The following SNRNP70 variants were observed in gnomAD, a reference collection of about 807,000 sequenced individuals.
The protein encoded by SNRNP70 is small nuclear ribonucleoprotein U1 subunit 70, also known as U1 small nuclear ribonucleoprotein 70 kDa.
SNRNP70 carries 8 observed loss-of-function variants against 50.5 expected under a neutral mutation model. The observed-to-expected ratio is 0.16, with a 90% confidence interval of 0.09 to 0.29. The LOEUF is 0.29. SNRNP70 is among the 10% of genes least tolerant of loss of function. SNRNP70 has a pLI of 1.00. For synonymous variants in SNRNP70, 320 were observed against 252.9 expected (o/e 1.27, Z -2.52); for missense variants, 529 against 663.5 (o/e 0.80, Z 2.23).
At position 49,108,569 on chromosome 19, in the gene SNRNP70, C is replaced by T. The variant is rs1192624081; in HGVS notation, c.*126C>T. 3 of 1,229,436 alleles carry T rather than the reference C, an allele frequency of 2.4e-6. No individual in the cohort carries two copies. The highest frequency in any genetic ancestry group is 3.1e-5 in the South Asian group (2 of 63,880). The allele number at this position is 1,229,436 out of a possible 1,614,324, so 76.2% of individuals were successfully genotyped here. On this transcript the variant is annotated 3_prime_UTR_variant, in exon 10 of 10. Coordinates refer to ENST00000598441, the MANE Select transcript of SNRNP70 (RefSeq NM_003089.6). ...GGGTAGGTGTCTCATTTGTTCTGGC[C>T]CCTTGGATTTAAAAATAAAATTAAT...
rs1481950544 is a variant in SNRNP70 at position 49,085,507 on chromosome 19, C to T, written c.-140C>T. The T allele has an allele frequency of 4.4e-6, 2 of 454,478 alleles. No homozygotes were observed. The highest frequency in any genetic ancestry group is 2.0e-5 in the African/African-American group (1 of 50,020). 28.2% of individuals were successfully genotyped at this position (454,478 alleles called of 1,614,324 possible). On this transcript the variant is annotated 5_prime_UTR_variant, in exon 1 of 10. Coordinates refer to ENST00000598441, the MANE Select transcript of SNRNP70 (RefSeq NM_003089.6). ...GCAGCGGCCTGGTGCGCTCGCTTAG[C>T]GGGCGACGGAATCAGACGGACGTGG...
chr19:49,102,295 C>A, intron 7 of SNRNP70: 1 of 573,784 alleles, frequency 1.7e-6, no homozygotes, highest in Non-Finnish European at 2.9e-6. Flanking sequence ...CCCGTAGCCT[C>A]CCCGCACCCA....
At chr19:49,102,241 C>T (rs1279335275) in intron 7 of SNRNP70, 2 of 1,225,976 alleles carry the variant, frequency 1.6e-6, no homozygotes, top group Non-Finnish European at 2.1e-6. Flanking sequence ...CTTAGCCAGG[C>T]AGCTCAGGAG....
Position 49,098,673 on chromosome 19 carries a change from G to T in SNRNP70, c.362G>T (p.Arg121Ile). The T allele has an allele frequency of 6.2e-7, 1 of 1,614,106 alleles. No individual in the cohort carries two copies. Among genetic ancestry groups the T allele is most frequent in the Non-Finnish European group, 8.5e-7 (1 of 1,179,992 alleles). ...NYDTTESKLR[R>I]EFEVYGPIKR... Reference sequence around the variant, plus strand: ...GACACAACAGAATCCAAGCTCCGGAGAGAGTTTGAGGTGTACGGACCTATC... The same window carrying T: ...GACACAACAGAATCCAAGCTCCGGATAGAGTTTGAGGTGTACGGACCTATC... Residue 121 changes from arginine to isoleucine, a missense_variant, in exon 6 of 10, where the codon AGA becomes ATA. Around this residue, in one of 4 missense-constraint regions of SNRNP70, gnomAD observed 149 missense variants for 259.7 expected, o/e 0.57. Transcript: ENST00000598441.
chr19:49,104,781 G>C lies in SNRNP70; in HGVS notation c.577+46G>C, dbSNP rs1040159943. ...ACGGGCTCTCGGGGGCCCTGGGCCTGGTGGCCTTGTTCTCCCTTCTCTGCT... is the reference window on the plus strand; with the variant it reads ...ACGGGCTCTCGGGGGCCCTGGGCCTCGTGGCCTTGTTCTCCCTTCTCTGCT... On this transcript the variant is annotated intron_variant, in intron 8 of 9. Transcript: ENST00000598441. The surrounding 1 kb of genome is among the most constrained non-coding windows in gnomAD (Gnocchi z 5.4). 7.7e-7 allele frequency: 1 copy of C among 1,296,684 alleles called. No homozygotes were observed. The highest frequency in any genetic ancestry group is 1.5e-5 in the African/African-American group (1 of 66,588). 80.3% of individuals were successfully genotyped at this position (1,296,684 alleles called of 1,614,324 possible).
Position 49,086,571 on chromosome 19 carries a change from C to T in SNRNP70, c.147+10C>T, listed in dbSNP as rs1451233077. ...CATTCGAGAGTTTGAGGTGAGTTCA[C>T]TGAGCAGGCCAGGAATGGTTTGGGT... On this transcript the variant is annotated intron_variant, in intron 2 of 9. Transcript: ENST00000598441. 9.3e-6 allele frequency: 15 copies of T among 1,613,270 alleles called. No individual in the cohort carries two copies. The highest frequency in any genetic ancestry group is 1.3e-5 in the Non-Finnish European group (15 of 1,179,562).
intron 2 of SNRNP70, among the ~76,000 whole-genome samples, chr19:49,089,459 A>C (rs2040421452): frequency 6.6e-6 from 1 of 151,896 alleles, no homozygotes; most frequent in Non-Finnish European, 1.5e-5. Context: ...CCTGGGCAAC[A>C]GACCACAACT....
chr19:49,098,494 A>G lies in SNRNP70; in HGVS notation c.330+3A>G. On this transcript the variant is annotated splice_donor_region_variant and intron_variant, in intron 5 of 9. Coordinates refer to ENST00000598441, the MANE Select transcript of SNRNP70 (RefSeq NM_003089.6). ...AGACTCTCTTCGTGGCGAGAGTGGT[A>G]AGTCCCCAGCTCCTAGCTCCTGGAA... is the stretch of plus-strand genomic sequence containing the variant. 6.2e-7 allele frequency: 1 copy of G among 1,613,338 alleles called. No individual in the cohort carries two copies. Among genetic ancestry groups the G allele is most frequent in the Non-Finnish European group, 8.5e-7 (1 of 1,179,412 alleles).
chr19:49,101,184 TCTTAG>T (rs1430574078), intron 6 of SNRNP70, among the ~76,000 whole-genome samples: 1 of 152,182 alleles, frequency 6.6e-6, no homozygotes, highest in East Asian at 1.9e-4. Flanking sequence ...TTTCTTTAGG[TCTTAG>T]CTTAAGTGTC....
Position 49,108,257 on chromosome 19 carries a change from C to T in SNRNP70, c.1128C>T (p.Arg376=). Residue 376 remains arginine (R), a synonymous_variant, in exon 10 of 10, where the codon CGC becomes CGT. Transcript: ENST00000598441. ...RDRDRDRDRD[R]EHKRGERGSE... ...GGGATCGTGACCGTGACCGTGACCG[C>T]GAGCACAAACGGGGGGAGCGGGGCA... 1.9e-6 allele frequency: 3 copies of T among 1,548,126 alleles called. No homozygotes were observed. The highest frequency in any genetic ancestry group is 2.6e-6 in the Non-Finnish European group (3 of 1,146,408).
At position 49,104,491 on chromosome 19, in the gene SNRNP70, G is replaced by C; in HGVS notation, c.476-143G>C. ...GGTTTGGGAGAGGGTTGGTCTGGCTGTCAGTTGCCTGGCTGTCTGTTGGGC... is the reference window on the plus strand; with the variant it reads ...GGTTTGGGAGAGGGTTGGTCTGGCTCTCAGTTGCCTGGCTGTCTGTTGGGC... On this transcript the variant is annotated intron_variant, in intron 7 of 9. Transcript: ENST00000598441. This position sits in a 1 kb window ranked among gnomAD's most constrained non-coding sequence, Gnocchi z 5.4. 2 of 673,314 alleles carry C rather than the reference G, an allele frequency of 3.0e-6. No homozygotes were observed. The highest frequency in any genetic ancestry group is 3.3e-5 in the South Asian group (2 of 60,794). The allele number at this position is 673,314 out of a possible 1,614,324, so 41.7% of individuals were successfully genotyped here.
At chr19:49,098,403 T>G (rs557131690) in intron 4 of SNRNP70, 24 bp from the exon 5 acceptor site, 1 of 1,596,844 alleles carries the variant, frequency 6.3e-7, no homozygotes, top group Non-Finnish European at 8.6e-7. Flanking sequence ...CTTCAACTTA[T>G]AAAATTCCTT....
At chr19:49,085,898 T>C (rs866638650) in intron 1 of SNRNP70, among the ~76,000 whole-genome samples, 3 of 152,218 alleles carry the variant, frequency 2.0e-5, no homozygotes, top group African/African-American at 7.2e-5. Flanking sequence ...CCTGGACCCT[T>C]ACCCATAATT....
At chr19:49,093,751 T>C (rs1188062142) in intron 4 of SNRNP70, among the ~76,000 whole-genome samples, 1 of 150,894 alleles carries the variant, frequency 6.6e-6, no homozygotes, top group Non-Finnish European at 1.5e-5. Flanking sequence ...TCCAGCACTT[T>C]GGGAGGCTGA....
chr19:49,092,801 A>G (rs906136560), intron 4 of SNRNP70, among the ~76,000 whole-genome samples: 6 of 151,486 alleles, frequency 4.0e-5, no homozygotes, highest in South Asian at 2.1e-4. Context: ...GGGTCTCACT[A>G]TGTTGCCCAG....
intron 7 of SNRNP70, chr19:49,103,236 C>T (rs2040613918): frequency 6.6e-6 from 1 of 152,484 alleles, no homozygotes; most frequent in Non-Finnish European, 1.5e-5. Context: ...CGAGATAGTC[C>T]AGGGCTTTCC....
intron 7 of SNRNP70, chr19:49,102,936 G>T (rs2040609029): frequency 6.6e-6 from 1 of 152,670 alleles, no homozygotes; most frequent in Non-Finnish European, 1.5e-5. Context: ...CCCGAGCGGG[G>T]TTCCTTCGCT....
Position 49,093,121 on chromosome 19 carries a change from G to A in SNRNP70, c.265+2601G>A, listed in dbSNP as rs1350480730. ...TTTTGTTTTTTGTTTTTTAGATGGA[G>A]TTTTGCTGTTATTGCCCAGGCTGGA... On this transcript the variant is annotated intron_variant, in intron 4 of 9. Transcript: ENST00000598441. Among the ~76,000 whole-genome samples the A allele has an allele frequency of 1.3e-5, 2 of 151,670 alleles. 1 individual carries two copies. The highest frequency in any genetic ancestry group is 2.9e-5 in the Non-Finnish European group (2 of 67,936).
chr19:49,101,725 G>A (rs1357337351), intron 7 of SNRNP70: 5 of 508,072 alleles, frequency 9.8e-6, no homozygotes, highest in South Asian at 2.1e-5. Context: ...AACCTCAGGG[G>A]CAAAGAGGGA....
Sources: allele counts gnomAD v4.1 joint callset (sites outside exome capture counted in the v4.1 genomes callset), GRCh38; gene constraint gnomAD v4.1.1; regional missense constraint gnomAD v4.1.1; non-coding constraint Gnocchi (gnomAD v3.1); transcripts MANE v1.5; gene names NCBI Gene and HGNC (gene_info 2026-07-23, HGNC 2026-07-21).